G2E3: variants seen among roughly 807,000 people sequenced by gnomAD.
G2E3 encodes G2/M phase-specific E3 ubiquitin-protein ligase.
Under a neutral mutation model 92.8 loss-of-function variants are expected in G2E3, and 35 were observed. The observed-to-expected ratio is 0.38, with a 90% CI of 0.29 to 0.50. G2E3 has a LOEUF of 0.50. Ranked by LOEUF, G2E3 falls within the 20% of genes least tolerant of loss-of-function variation. G2E3 has a pLI of 0.94. For synonymous variants in G2E3, 242 were observed against 272.4 expected, an observed-to-expected ratio of 0.89 and a Z score of 1.10; for missense variants, 554 against 823.8, an observed-to-expected ratio of 0.67 and a Z score of 4.01.
At chr14:30,607,634 A>T (rs900099601) in intron 11 of G2E3, among the ~76,000 whole-genome samples, 1 of 152,184 alleles carries the variant, frequency 6.6e-6, no homozygotes, top group Non-Finnish European at 1.5e-5. Flanking sequence ...CTGTACACCA[A>T]AGTGTTCACA....
Position 30,605,710 on chromosome 14 carries a change from C to T in G2E3, c.1216C>T (p.Pro406Ser). Reference protein sequence around the residue: ...IENDNFGSEHPGSKQEFLSLL... With the variant: ...IENDNFGSEHSGSKQEFLSLL... The stretch of plus-strand genomic sequence containing the variant: ...AAATGATAATTTTGGAAGTGAGCAT[C>T]CTGGATCAAAGCAAGAATTTCTGAG... Residue 406 changes from proline to serine, a missense_variant, in exon 11 of 15, where the codon CCT becomes TCT. By Grantham distance (74) the Pro-to-Ser change is moderately conservative. Coordinates refer to ENST00000206595, the MANE Select transcript of G2E3 (RefSeq NM_017769.5). 1.2e-6 allele frequency: 2 copies of T among 1,606,696 alleles called. No homozygotes were observed. The highest frequency in any genetic ancestry group is 1.7e-6 in the Non-Finnish European group (2 of 1,174,534).
At chr14:30,601,248 C>G (rs1881554456) in intron 8 of G2E3, among the ~76,000 whole-genome samples, 3 of 152,282 alleles carry the variant, frequency 2.0e-5, no homozygotes, top group African/African-American at 7.2e-5. Context: ...TGGCATACAC[C>G]ACATAACACA....
intron 7 of G2E3, 42 bp from the exon 8 acceptor site, chr14:30,598,441 A>G (rs779136782): frequency 8.2e-7 from 1 of 1,217,840 alleles, no homozygotes; most frequent in Non-Finnish European, 1.2e-6. Flanking sequence ...CTTATGTAAC[A>G]TTATTTATAG....
intron 3 of G2E3, among the ~76,000 whole-genome samples, 198 bp from the exon 4 acceptor site, chr14:30,589,185 A>G (rs1880875880): frequency 6.6e-6 from 1 of 152,056 alleles, no homozygotes; most frequent in African/African-American, 2.4e-5. Flanking sequence ...ACAAACTGAT[A>G]ATATACAGTG....
intron 4 of G2E3, among the ~76,000 whole-genome samples, chr14:30,589,868 T>C (rs1470821884): frequency 2.0e-5 from 3 of 152,102 alleles, no homozygotes; most frequent in South Asian, 2.1e-4. Flanking sequence ...TTTATTCTTA[T>C]ACCTCAGTTT....
intron 1 of G2E3, among the ~76,000 whole-genome samples, chr14:30,572,459 C>T (rs73264305): frequency 2.6e-5 from 4 of 152,068 alleles, no homozygotes; most frequent in Non-Finnish European, 5.9e-5. Context: ...TATCTGTTGA[C>T]ATTGTGTCAC....
intron 4 of G2E3, chr14:30,590,909 A>T: frequency 3.4e-6 from 1 of 290,166 alleles, no homozygotes; most frequent in South Asian, 3.2e-5. Context: ...TTAGATTTGA[A>T]ATTTTTTTCA....
At chr14:30,565,644 T>C (rs1337233786) in intron 1 of G2E3, among the ~76,000 whole-genome samples, 2 of 146,826 alleles carry the variant, frequency 1.4e-5, no homozygotes, top group Non-Finnish European at 3.0e-5. Context: ...GGGTTCAACT[T>C]CATTCCTTTT....
chr14:30,605,070 A>G (rs1594506250), intron 10 of G2E3, among the ~76,000 whole-genome samples: 1 of 152,048 alleles, frequency 6.6e-6, no homozygotes, highest in East Asian at 1.9e-4. Flanking sequence ...CTTATTTTGT[A>G]TTTTCAGTAG....
intron 6 of G2E3, among the ~76,000 whole-genome samples, chr14:30,594,574 TC>T (rs1881181188): frequency 6.6e-6 from 1 of 151,800 alleles, no homozygotes; most frequent in Non-Finnish European, 1.5e-5. Flanking sequence ...GTGCCTGTAG[TC>T]CCAGCTACTA....
chr14:30,614,212 T>A (rs1384570258), intron 13 of G2E3, among the ~76,000 whole-genome samples: 1 of 151,816 alleles, frequency 6.6e-6, no homozygotes, highest in East Asian at 1.9e-4. Context: ...TTTTATTATT[T>A]GTTTTTCTTT....
intron 1 of G2E3, among the ~76,000 whole-genome samples, chr14:30,578,926 T>A (rs1463694733): frequency 2.0e-5 from 3 of 152,326 alleles, no homozygotes; most frequent in Middle Eastern, 3.4e-3. Flanking sequence ...TTTCCCTCGT[T>A]GAATTGCTTT....
At chr14:30,586,650 C>G (rs959938866) in intron 2 of G2E3, 68 bp from the exon 3 acceptor site, 5 of 542,680 alleles carry the variant, frequency 9.2e-6, no homozygotes, top group Non-Finnish European at 9.6e-6. Context: ...TAGAGAAGCA[C>G]CAATTCCATA....
At chr14:30,577,712 T>A (rs987306926) in intron 1 of G2E3, 2 of 152,188 alleles carry the variant, frequency 1.3e-5, no homozygotes, top group Admixed American at 6.5e-5. Flanking sequence ...TTTTATGACA[T>A]TGTCATTTCT....
Position 30,589,463 on chromosome 14 carries a change from A to G in G2E3, c.216A>G (p.Glu72=). 1 of 1,562,854 alleles carries G rather than the reference A, an allele frequency of 6.4e-7. No individual in the cohort carries two copies. Among genetic ancestry groups the G allele is most frequent in the Non-Finnish European group, 8.8e-7 (1 of 1,134,524 alleles). ...YGFLIEDIRK[E]VNRASKLKCC... ...TTCTAATAGAAGATATCAGGAAGGA[A>G]GTGAATAGAGCTTCTAAACTGGTAA... Residue 72 remains glutamate, a synonymous_variant, in exon 4 of 15, where the codon GAA becomes GAG. Transcript: ENST00000206595.
Position 30,593,446 on chromosome 14 carries a change from A to AT in G2E3, c.363-21dup, listed in dbSNP as rs777584106. 3.3e-5 allele frequency: 41 copies of AT among 1,235,164 alleles called. No homozygotes were observed. The African/African-American group carries it at 3.8e-4, about 11-fold the overall frequency. 76.5% of individuals were successfully genotyped at this position (1,235,164 alleles called of 1,614,324 possible). On this transcript the variant is annotated intron_variant, in intron 5 of 14. Transcript: ENST00000206595. ...CAAGTTTTGCTTTGCAGTTCATGAG[A>AT]TTTTTTTAAAATAATTTACATTTTT...
At chr14:30,586,618 G>C in intron 2 of G2E3, 100 bp from the exon 3 acceptor site, 1 of 490,788 alleles carries the variant, frequency 2.0e-6, no homozygotes, top group Non-Finnish European at 3.6e-6. Flanking sequence ...TTTGCTCTCA[G>C]AAAGAATTTA....
At chr14:30,597,734 CTCTT>C (rs1322691744) in intron 7 of G2E3, among the ~76,000 whole-genome samples, 3 of 152,136 alleles carry the variant, frequency 2.0e-5, no homozygotes, top group African/African-American at 7.2e-5. Context: ...GATTTATAAT[CTCTT>C]TATAAGTAGC....
intron 1 of G2E3, among the ~76,000 whole-genome samples, chr14:30,571,824 G>T (rs912727689): frequency 4.0e-5 from 6 of 151,666 alleles, no homozygotes; most frequent in African/African-American, 7.3e-5. Flanking sequence ...GATTAACATA[G>T]CTCTATAAGA....
Sources: allele counts gnomAD v4.1 joint callset (sites outside exome capture counted in the v4.1 genomes callset), GRCh38; gene constraint gnomAD v4.1.1; transcripts MANE v1.5; gene names NCBI Gene and HGNC (gene_info 2026-07-23, HGNC 2026-07-21).